Variants in TMEM9B observed in about 807,000 individuals in gnomAD.
TMEM9B encodes TMEM9 domain family member B.
Under a neutral mutation model 23.5 loss-of-function variants are expected in TMEM9B, and 8 were observed. The ratio of observed to expected loss-of-function variants is 0.34; its 90% confidence interval spans 0.20 to 0.61. TMEM9B has a LOEUF of 0.61. Ranked by LOEUF, TMEM9B falls within the 20% of genes least tolerant of loss-of-function variation. TMEM9B has a pLI of 0.78. For missense variants in TMEM9B, 197 were observed against 252.3 expected (o/e 0.78, Z 1.49); for synonymous variants, 106 against 96.3 (o/e 1.10, Z -0.59).
At chr11:8,963,960 GACT>G (rs1446288885) in intron 1 of TMEM9B, 1 of 528,504 alleles carries the variant, frequency 1.9e-6, no homozygotes, top group Non-Finnish European at 3.3e-6. Flanking sequence ...CTGCTGTCCG[GACT>G]GTGGGCACTG....
chr11:8,953,437 T>C (rs1853919203), intron 3 of TMEM9B, 100 bp from the exon 4 acceptor site: 2 of 1,172,816 alleles, frequency 1.7e-6, no homozygotes, highest in Non-Finnish European at 2.4e-6. Flanking sequence ...GCTAAGCCTA[T>C]AGGATTTCTA....
intron 2 of TMEM9B, among the ~76,000 whole-genome samples, chr11:8,956,637 A>G (rs1286726039): frequency 1.3e-5 from 2 of 152,192 alleles, no homozygotes; most frequent in Non-Finnish European, 2.9e-5. Flanking sequence ...GTTACTAAGG[A>G]AAACTACTTA....
chr11:8,950,873 T>TTAAAG (rs1566121303), intron 4 of TMEM9B, among the ~76,000 whole-genome samples: 1 of 152,192 alleles, frequency 6.6e-6, no homozygotes, highest in Non-Finnish European at 1.5e-5. Flanking sequence ...AAAAACATTT[T>TTAAAG]TAAAGTATAT....
rs1208631727 is a variant in TMEM9B, at chr11:8,947,391, C to T, written c.*929G>A. 2 of 152,582 alleles carry T rather than the reference C, an allele frequency of 1.3e-5. No individual in the cohort carries two copies. Among genetic ancestry groups the T allele is most frequent in the African/African-American group, 4.8e-5 (2 of 41,410 alleles). 9.5% of individuals were successfully genotyped at this position (152,582 alleles called of 1,614,324 possible). A position where few individuals can be genotyped will look rare whatever the true frequency, so the allele number is the denominator to read the frequency against. On this transcript the variant is annotated 3_prime_UTR_variant, in exon 5 of 5. Coordinates refer to ENST00000534025, the MANE Select transcript of TMEM9B (RefSeq NM_020644.3). ...ATGGTTAGACCTTTCAGAAGAGGCA[C>T]CCACAACCCCAGCCCTAGTTCAAAG...
chr11:8,950,666 C>T (rs907374747), intron 4 of TMEM9B, among the ~76,000 whole-genome samples: 1 of 152,174 alleles, frequency 6.6e-6, no homozygotes, highest in African/African-American at 2.4e-5. Context: ...GTTCTTTTCA[C>T]ACCTGATAAA....
In TMEM9B at chr11:8,952,281, C is replaced by CTATATA. The variant is rs58750330; in HGVS notation, c.441+916_441+921dup. Among the ~76,000 whole-genome samples the CTATATA allele has an allele frequency of 1.4e-3, 206 of 147,512 alleles. 1 individual carries two copies. The highest frequency in any genetic ancestry group is 0.011 in the Middle Eastern group (3 of 280). On this transcript the variant is annotated intron_variant, in intron 4 of 4. Coordinates refer to ENST00000534025, the MANE Select transcript of TMEM9B (RefSeq NM_020644.3). ...ACACACACACACACACACACACACG[C>CTATATA]TATATATATATATATATAAACATAT... is the stretch of plus-strand genomic sequence containing the variant.
chr11:8,960,138 GTTTT>G (rs10550659), intron 2 of TMEM9B, among the ~76,000 whole-genome samples: 3 of 83,686 alleles, frequency 3.6e-5, no homozygotes, highest in East Asian at 3.7e-4. Flanking sequence ...CTTTGTTTCT[GTTTT>G]TTTTTTTTTT....
intron 4 of TMEM9B, chr11:8,952,812 T>A (rs942688129): frequency 1.3e-5 from 5 of 389,910 alleles, no homozygotes; most frequent in African/African-American, 4.1e-5. Context: ...TCTTCACACT[T>A]CCCTTGATGA....
chr11:8,955,468 G>A (rs1814195490), intron 3 of TMEM9B, among the ~76,000 whole-genome samples: 1 of 152,036 alleles, frequency 6.6e-6, no homozygotes. Flanking sequence ...GGAGCCCTGA[G>A]CTTGTTTTCC....
chr11:8,954,930 A>G (rs1358887318), intron 3 of TMEM9B, among the ~76,000 whole-genome samples: 1 of 151,984 alleles, frequency 6.6e-6, no homozygotes, highest in Non-Finnish European at 1.5e-5. Flanking sequence ...AGATGGGTGG[A>G]CCACGAGGTC....
intron 2 of TMEM9B, 23 bp downstream of exon 2, chr11:8,962,069 A>T: frequency 7.1e-7 from 1 of 1,410,374 alleles, no homozygotes; most frequent in Non-Finnish European, 9.8e-7. Context: ...TGTGACAGGT[A>T]ATTCAGTAAT....
intron 4 of TMEM9B, among the ~76,000 whole-genome samples, chr11:8,952,244 C>CTA (rs138579954): frequency 0.4 from 43,372 of 109,796 alleles, 7,639 homozygotes; most frequent in Non-Finnish European, 0.48. Flanking sequence ...ATTATGCCAA[C>CTA]TATATACACA....
chr11:8,953,193 G>A lies in TMEM9B; in HGVS notation c.441+10C>T. 29 of 1,614,106 alleles carry A rather than the reference G, an allele frequency of 1.8e-5. No individual in the cohort carries two copies. The highest frequency in any genetic ancestry group is 2.2e-5 in the Non-Finnish European group (26 of 1,180,010). On this transcript the variant is annotated intron_variant, in intron 4 of 4. Transcript: ENST00000534025. ...TGGCCATGAGCAGCTAGGGCAGGCTGGGAACTTACCCCAATATCATCATCA... is the reference window on the plus strand; with the variant it reads ...TGGCCATGAGCAGCTAGGGCAGGCTAGGAACTTACCCCAATATCATCATCA...
intron 4 of TMEM9B, among the ~76,000 whole-genome samples, chr11:8,950,962 A>T (rs1853864922): frequency 6.6e-6 from 1 of 152,234 alleles, no homozygotes; most frequent in African/African-American, 2.4e-5. Context: ...AGTTGTTACC[A>T]TAAATTCACA....
At chr11:8,955,223 A>C (rs949909466) in intron 3 of TMEM9B, among the ~76,000 whole-genome samples, 27 of 152,044 alleles carry the variant, frequency 1.8e-4, no homozygotes, top group Non-Finnish European at 3.5e-4. Flanking sequence ...AGAAATACAA[A>C]TGGTGATGAG....
intron 3 of TMEM9B, among the ~76,000 whole-genome samples, chr11:8,954,858 T>TA (rs907721413): frequency 2.0e-5 from 3 of 151,890 alleles, no homozygotes; most frequent in African/African-American, 4.8e-5. Flanking sequence ...AAGTGCCATG[T>TA]AAAAAAAAAT....
intron 2 of TMEM9B, among the ~76,000 whole-genome samples, chr11:8,960,050 C>A (rs1664954876): frequency 6.6e-6 from 1 of 151,682 alleles, no homozygotes; most frequent in Non-Finnish European, 1.5e-5. Flanking sequence ...AAATGCTAAG[C>A]TGCAGAAAAG....
At chr11:8,952,231 C>T (rs977761307) in intron 4 of TMEM9B, among the ~76,000 whole-genome samples, 2 of 148,124 alleles carry the variant, frequency 1.4e-5, no homozygotes, top group African/African-American at 2.5e-5. Context: ...GCAATTTATA[C>T]AGATTATGCC....
At chr11:8,964,054 G>C (rs1854135389) in intron 1 of TMEM9B, 155 bp downstream of exon 1, 1 of 728,180 alleles carries the variant, frequency 1.4e-6, no homozygotes, top group African/African-American at 1.9e-5. Context: ...CAGTCGGGAG[G>C]GGCGGGGCTG....
Sources: gnomAD v4.1 joint callset for allele counts (sites outside exome capture counted in the v4.1 genomes callset) on GRCh38, gnomAD v4.1.1 for gene constraint, MANE v1.5 for transcripts, NCBI Gene and HGNC (gene_info 2026-07-23, HGNC 2026-07-21) for gene names.